The following CACNB2 variants were observed in gnomAD, a reference collection of about 807,000 sequenced individuals.
CACNB2 encodes the protein calcium voltage-gated channel auxiliary subunit beta 2.
Under a neutral mutation model 73.3 loss-of-function variants are expected in CACNB2, and 42 were observed. That is an observed-to-expected ratio of 0.57 (90% confidence interval 0.45 to 0.74). The LOEUF is 0.74. Ranked by LOEUF, CACNB2 falls within the 30% of genes least tolerant of loss-of-function variation. The pLI is 0.00. For missense variants in CACNB2, 940 were observed against 853.0 expected, an observed-to-expected ratio of 1.10 and a Z score of -1.27; for synonymous variants, 348 against 310.3, an observed-to-expected ratio of 1.12 and a Z score of -1.28.
chr10:18,539,469 T>C lies in CACNB2; in HGVS notation c.1728T>C (p.His576=). The C allele has an allele frequency of 1.2e-6, 2 of 1,613,924 alleles. No individual in the cohort carries two copies. The highest frequency in any genetic ancestry group is 2.2e-5 in the South Asian group (2 of 91,028). Residue 576 remains histidine, a synonymous_variant, in exon 14 of 14, where the codon CAT becomes CAC. Coordinates refer to ENST00000324631, the MANE Select transcript of CACNB2 (RefSeq NM_201596.3). The part of the protein sequence containing the change: ...AYVEPKEDYS[H]DHVDHYASHR... ...TAGAGCCAAAGGAAGATTATTCCCATGACCACGTGGACCACTATGCCTCAC... is the reference window on the plus strand; with the variant it reads ...TAGAGCCAAAGGAAGATTATTCCCACGACCACGTGGACCACTATGCCTCAC...
intron 3 of CACNB2, among the ~76,000 whole-genome samples, chr10:18,497,756 A>G (rs2049924493): frequency 6.6e-6 from 1 of 152,190 alleles, no homozygotes; most frequent in African/African-American, 2.4e-5. Flanking sequence ...GCATCAAATA[A>G]GGAAAGAGAT....
chr10:18,315,103 C>T (rs1044938618), intron 2 of CACNB2, among the ~76,000 whole-genome samples: 63 of 152,068 alleles, frequency 4.1e-4, no homozygotes, highest in African/African-American at 1.4e-3. Flanking sequence ...AGGCCAACGC[C>T]GGCCGATGAC....
intron 2 of CACNB2, among the ~76,000 whole-genome samples, chr10:18,325,083 G>T (rs1261247737): frequency 2.0e-5 from 3 of 152,206 alleles, no homozygotes; most frequent in Non-Finnish European, 2.9e-5. Context: ...CACATTTTCA[G>T]TGTGAACTGG....
chr10:18,442,442 G>A lies in CACNB2; in HGVS notation c.333+40399G>A, dbSNP rs182389372. 3.3e-5 allele frequency among the ~76,000 whole-genome samples: 5 copies of A among 150,838 alleles called. No individual in the cohort carries two copies. In the South Asian group the frequency reaches 6.6e-4, roughly 20 times the overall value. On this transcript the variant is annotated intron_variant, in intron 3 of 13. Coordinates refer to ENST00000324631, the MANE Select transcript of CACNB2 (RefSeq NM_201596.3). ...TGGAATTATAGGCGTGAGCCACCAC[G>A]CCTGGCCGAATCTGGTTCTTCTTTA...
chr10:18,319,558 T>C (rs2040320903), intron 2 of CACNB2, among the ~76,000 whole-genome samples: 1 of 152,092 alleles, frequency 6.6e-6, no homozygotes, highest in Admixed American at 6.6e-5. Flanking sequence ...GGCACATGCA[T>C]ACCTATGTAA....
intron 2 of CACNB2, among the ~76,000 whole-genome samples, chr10:18,262,147 C>G (rs924335085): frequency 3.9e-5 from 6 of 152,064 alleles, no homozygotes; most frequent in African/African-American, 1.4e-4. Flanking sequence ...GACTGCAAAA[C>G]AAATAGAAAA....
intron 3 of CACNB2, among the ~76,000 whole-genome samples, chr10:18,481,476 A>G: frequency 6.6e-6 from 1 of 150,584 alleles, no homozygotes; most frequent in East Asian, 2.0e-4. Flanking sequence ...CAAACTCCTG[A>G]CCTCAAGTGA....
At chr10:18,185,187 T>C (rs1332988902) in intron 2 of CACNB2, among the ~76,000 whole-genome samples, 2 of 152,182 alleles carry the variant, frequency 1.3e-5, no homozygotes, top group African/African-American at 2.4e-5. Flanking sequence ...ACCAGTTAGA[T>C]ATTTTGTAGA....
At chr10:18,399,754 C>T (rs2043897041) in intron 2 of CACNB2, among the ~76,000 whole-genome samples, 1 of 152,026 alleles carries the variant, frequency 6.6e-6, no homozygotes, top group African/African-American at 2.4e-5. Context: ...TCCCACCACA[C>T]TCAAACAAAT....
At chr10:18,532,719 A>C (rs2133271566) in intron 10 of CACNB2, among the ~76,000 whole-genome samples, 1 of 149,088 alleles carries the variant, frequency 6.7e-6, no homozygotes, top group Admixed American at 6.7e-5. Flanking sequence ...ACAAACAAAC[A>C]AAAAAAACAA....
At chr10:18,141,360 G>T in intron 1 of CACNB2, 1 of 774,824 alleles carries the variant, frequency 1.3e-6, no homozygotes, top group Non-Finnish European at 2.2e-6. Context: ...ATATGGGGGT[G>T]CCCTGCCGGA....
At chr10:18,195,735 C>T (rs1312359816) in intron 2 of CACNB2, among the ~76,000 whole-genome samples, 12 of 152,184 alleles carry the variant, frequency 7.9e-5, no homozygotes, top group African/African-American at 2.9e-4. Context: ...GGGCTCACCC[C>T]TCAATCTGTG....
chr10:18,221,924 G>A (rs528538218), intron 2 of CACNB2, among the ~76,000 whole-genome samples: 48 of 152,302 alleles, frequency 3.2e-4, no homozygotes, highest in Middle Eastern at 3.4e-3. Flanking sequence ...TTGGTATTGA[G>A]GTAGTTTCTC....
chr10:18,155,350 A>G (rs1351042175), intron 2 of CACNB2, among the ~76,000 whole-genome samples: 1 of 152,086 alleles, frequency 6.6e-6, no homozygotes, highest in Non-Finnish European at 1.5e-5. Flanking sequence ...ATATTTATCT[A>G]TGTTGGACAT....
chr10:18,274,250 G>T lies in CACNB2; in HGVS notation c.213+123275G>T, dbSNP rs373961618. On this transcript the variant is annotated intron_variant, in intron 2 of 13. Coordinates refer to ENST00000324631, the MANE Select transcript of CACNB2 (RefSeq NM_201596.3). Reference sequence around the variant, plus strand: ...CAGAAAAAAAAAGAGGAGAGAGAAGGCACCTGCAGTGGAAAGGAATAAGAA... The same window carrying T: ...CAGAAAAAAAAAGAGGAGAGAGAAGTCACCTGCAGTGGAAAGGAATAAGAA... Among the ~76,000 whole-genome samples the T allele has an allele frequency of 2.9e-4, 44 of 152,242 alleles. 2 individuals carry two copies. In the South Asian group the frequency reaches 8.3e-3, roughly 29 times the overall value.
chr10:18,389,194 A>C (rs1450556502), intron 2 of CACNB2, among the ~76,000 whole-genome samples: 2 of 152,190 alleles, frequency 1.3e-5, no homozygotes, highest in Non-Finnish European at 2.9e-5. Flanking sequence ...GCTGGATTGC[A>C]GTGGCATGAT....
chr10:18,376,142 C>T (rs1402396264), intron 2 of CACNB2, among the ~76,000 whole-genome samples: 1 of 152,198 alleles, frequency 6.6e-6, no homozygotes, highest in East Asian at 1.9e-4. Flanking sequence ...TACATTTACA[C>T]AGTGGAGTAC....
Position 18,538,275 on chromosome 10 carries a change from T to G in CACNB2, c.1398T>G (p.Pro466=). The change falls in exon 13 of 14, where the codon CCT becomes CCG. Residue 466 remains proline (P), a synonymous_variant. Coordinates refer to ENST00000324631, the MANE Select transcript of CACNB2 (RefSeq NM_201596.3). The part of the protein sequence containing the change: ...YLEAYWKATH[P]PSSSLPNPLL... ...AGGCCTACTGGAAGGCCACCCATCC[T>G]CCCAGCAGTAGCCTCCCCAACCCTC... 2 of 1,614,098 alleles carry G rather than the reference T, an allele frequency of 1.2e-6. No homozygotes were observed. Among genetic ancestry groups the G allele is most frequent in the Non-Finnish European group, 1.7e-6 (2 of 1,179,966 alleles).
At chr10:18,454,355 C>T (rs1031847758) in intron 3 of CACNB2, among the ~76,000 whole-genome samples, 3 of 152,164 alleles carry the variant, frequency 2.0e-5, no homozygotes, top group African/African-American at 7.2e-5. Flanking sequence ...TGTCATTAAT[C>T]GCCCCCTTAA....
Sources: allele counts gnomAD v4.1 joint callset (sites outside exome capture counted in the v4.1 genomes callset), GRCh38; gene constraint gnomAD v4.1.1; transcripts MANE v1.5; gene names NCBI Gene and HGNC (gene_info 2026-07-23, HGNC 2026-07-21).